The following RIMS4 variants were observed in gnomAD, a reference collection of about 807,000 sequenced individuals.
RIMS4 encodes regulating synaptic membrane exocytosis 4, also known as regulating synaptic membrane exocytosis protein 4.
Under a neutral mutation model 29.0 loss-of-function variants are expected in RIMS4, and 9 were observed. That is an observed-to-expected ratio of 0.31 (90% CI 0.19 to 0.54). The LOEUF (loss-of-function observed/expected upper bound fraction) is 0.54, where lower values mean the gene tolerates loss of function less well. RIMS4 is among the 20% of genes least tolerant of loss of function. The pLI, the probability that RIMS4 is intolerant of heterozygous loss-of-function variation, is 0.94. For missense variants in RIMS4, 193 were observed against 365.7 expected, an observed-to-expected ratio of 0.53 and a Z score of 3.85; for synonymous variants, 130 against 152.9, an observed-to-expected ratio of 0.85 and a Z score of 1.10.
intron 1 of RIMS4, among the ~76,000 whole-genome samples, chr20:44,782,590 C>T (rs1474621271): frequency 6.6e-6 from 1 of 152,126 alleles, no homozygotes; most frequent in East Asian, 1.9e-4. Flanking sequence ...ACTTAACATA[C>T]TTTACGAGTT....
chr20:44,764,255 C>CATCCATCCATCCATTCATCCA (rs1325046131), intron 2 of RIMS4, among the ~76,000 whole-genome samples: 4 of 144,308 alleles, frequency 2.8e-5, no homozygotes, highest in Admixed American at 7.0e-5. Context: ...TCCATCCATC[C>CATCCATCCATCCATTCATCCA]TCCCACAAAC....
At chr20:44,781,447 C>A (rs1023966326) in intron 1 of RIMS4, among the ~76,000 whole-genome samples, 1 of 152,154 alleles carries the variant, frequency 6.6e-6, no homozygotes, top group African/African-American at 2.4e-5. Flanking sequence ...TACTTGATTG[C>A]AAATAAAATC....
At chr20:44,772,107 C>T (rs1206928402) in intron 1 of RIMS4, among the ~76,000 whole-genome samples, 2 of 152,140 alleles carry the variant, frequency 1.3e-5, no homozygotes, top group Admixed American at 6.5e-5. Flanking sequence ...ATTTGCACAA[C>T]TGTCAAGTGG....
At chr20:44,757,949 G>A in intron 3 of RIMS4, 123 bp downstream of exon 3, 1 of 928,892 alleles carries the variant, frequency 1.1e-6, no homozygotes, top group South Asian at 1.5e-5. Flanking sequence ...GTGTGCCCTG[G>A]GCTCTAGGCG....
chr20:44,764,255 C>CATCCATCCATCCATTTATCCA (rs1325046131), intron 2 of RIMS4, among the ~76,000 whole-genome samples: 65 of 144,238 alleles, frequency 4.5e-4, no homozygotes, highest in East Asian at 6.0e-4. Context: ...TCCATCCATC[C>CATCCATCCATCCATTTATCCA]TCCCACAAAC....
At chr20:44,764,745 G>C (rs1302408949) in intron 2 of RIMS4, among the ~76,000 whole-genome samples, 2 of 152,198 alleles carry the variant, frequency 1.3e-5, no homozygotes, top group Non-Finnish European at 2.9e-5. Flanking sequence ...AATTGCACCT[G>C]AACAAATGCA....
chr20:44,805,887 G>A (rs1199887246), intron 1 of RIMS4, among the ~76,000 whole-genome samples: 1 of 152,066 alleles, frequency 6.6e-6, no homozygotes, highest in Admixed American at 6.5e-5. Flanking sequence ...GGGTATCGCC[G>A]CCTCATCACC....
intron 1 of RIMS4, among the ~76,000 whole-genome samples, chr20:44,805,112 G>C (rs1000593002): frequency 4.6e-5 from 7 of 151,846 alleles, no homozygotes; most frequent in African/African-American, 1.7e-4. Flanking sequence ...CAGTCTGGGT[G>C]ACATAGTGAA....
intron 1 of RIMS4, among the ~76,000 whole-genome samples, chr20:44,774,298 T>C (rs552897712): frequency 6.6e-6 from 1 of 152,214 alleles, no homozygotes; most frequent in Non-Finnish European, 1.5e-5. Flanking sequence ...CTCGATTGGA[T>C]TGAAGGATGC....
chr20:44,806,528 A>G (rs898909143), intron 1 of RIMS4, among the ~76,000 whole-genome samples: 7 of 152,216 alleles, frequency 4.6e-5, no homozygotes, highest in Admixed American at 4.6e-4. Context: ...TAATGATGCA[A>G]TAAGATTAGC....
At chr20:44,809,455 C>T (rs2066313237) in intron 1 of RIMS4, among the ~76,000 whole-genome samples, 1 of 152,076 alleles carries the variant, frequency 6.6e-6, no homozygotes, top group South Asian at 2.1e-4. Context: ...CCGGCTTCAG[C>T]CCACCAAGAA....
intron 1 of RIMS4, among the ~76,000 whole-genome samples, chr20:44,802,464 G>A (rs2066281213): frequency 6.6e-6 from 1 of 152,188 alleles, no homozygotes. Flanking sequence ...CCAAAGCTAT[G>A]TTCTTTCTGT....
rs546827188 is a variant in RIMS4, at chr20:44,768,523, C to T, written c.236+2752G>A. ...GCCAAACCAGTGCCCAAAATGCCTA[C>T]AGAACAAGAAGTCTGACCACAGCTC... is the stretch of plus-strand genomic sequence containing the variant. On this transcript the variant is annotated intron_variant, in intron 2 of 5. Coordinates refer to ENST00000372851, the MANE Select transcript of RIMS4 (RefSeq NM_182970.4). 6.0e-4 allele frequency among the ~76,000 whole-genome samples: 92 copies of T among 152,318 alleles called. 2 individuals carry two copies. The South Asian group carries it at 0.018, about 29-fold the overall frequency.
Position 44,810,248 on chromosome 20 carries a change from G to A in RIMS4, c.24C>T (p.Leu8=), listed in dbSNP as rs1393038015. 1.3e-6 allele frequency: 2 copies of A among 1,533,666 alleles called. No homozygotes were observed. Among genetic ancestry groups the A allele is most frequent in the Admixed American group, 1.8e-5 (1 of 55,660 alleles). ...GCGCCTCGAAGGAGGCGGACAGACT[G>A]AGGCGGCTCTGCGAGCGCTCCATGC... MERSQSR[L]SLSASFEALA... Residue 8 remains leucine (L), a synonymous_variant, in exon 1 of 6, where the codon CTC becomes CTT. Coordinates refer to ENST00000372851, the MANE Select transcript of RIMS4 (RefSeq NM_182970.4).
At chr20:44,767,835 G>A (rs77320397) in intron 2 of RIMS4, among the ~76,000 whole-genome samples, 3,339 of 152,302 alleles carry the variant, frequency 0.022, 127 homozygotes, top group African/African-American at 0.076. Flanking sequence ...GCAAGAGTTA[G>A]CCACGGCCAT....
chr20:44,770,660 C>G (rs952897923), intron 2 of RIMS4, among the ~76,000 whole-genome samples: 2 of 152,100 alleles, frequency 1.3e-5, no homozygotes, highest in South Asian at 2.1e-4. Context: ...AACGTGTTCC[C>G]GTGATTCTGA....
intron 1 of RIMS4, among the ~76,000 whole-genome samples, chr20:44,775,141 CGCTTCTAAGT>C (rs1415771714): frequency 6.6e-6 from 1 of 152,168 alleles, no homozygotes; most frequent in Non-Finnish European, 1.5e-5. Flanking sequence ...ATGTTAAACA[CGCTTCTAAGT>C]GCTGCACCTG....
intron 1 of RIMS4, among the ~76,000 whole-genome samples, chr20:44,800,048 T>A (rs1168833191): frequency 6.6e-6 from 1 of 152,098 alleles, no homozygotes; most frequent in Non-Finnish European, 1.5e-5. Flanking sequence ...TTGCTCAGAG[T>A]CACACAGCCA....
chr20:44,759,510 C>T (rs1409605746), intron 2 of RIMS4, among the ~76,000 whole-genome samples: 3 of 152,202 alleles, frequency 2.0e-5, no homozygotes, highest in Admixed American at 1.3e-4. Flanking sequence ...CCACCCACCT[C>T]GACCTCCCAA....
Sources: gnomAD v4.1 joint callset for allele counts (sites outside exome capture counted in the v4.1 genomes callset) on GRCh38, gnomAD v4.1.1 for gene constraint, MANE v1.5 for transcripts, NCBI Gene and HGNC (gene_info 2026-07-23, HGNC 2026-07-21) for gene names.